Variants in ADAMTS17 observed in about 807,000 individuals in gnomAD.
ADAMTS17 encodes A disintegrin and metalloproteinase with thrombospondin motifs 17.
Under a neutral mutation model 141.5 loss-of-function variants are expected in ADAMTS17, and 113 were observed. That is an observed-to-expected ratio of 0.80 (90% CI 0.69 to 0.93). The LOEUF (loss-of-function observed/expected upper bound fraction) is 0.93. Among genes scored for constraint, ADAMTS17 ranks in the 40% least tolerant of loss-of-function variants. The pLI, the probability that ADAMTS17 is intolerant of heterozygous loss-of-function variation, is 0.00. For synonymous variants in ADAMTS17, 768 were observed against 630.6 expected (o/e 1.22, Z -3.27); for missense variants, 1,659 against 1,517.9 (o/e 1.09, Z -1.54).
chr15:100,080,686 CTT>C (rs35913419), intron 15 of ADAMTS17, among the ~76,000 whole-genome samples: 1 of 152,112 alleles, frequency 6.6e-6, no homozygotes, highest in African/African-American at 2.4e-5. Flanking sequence ...TTATTTCCTC[CTT>C]TTTTTGCTAA....
At chr15:100,258,122 A>G (rs960455808) in intron 6 of ADAMTS17, among the ~76,000 whole-genome samples, 4 of 152,212 alleles carry the variant, frequency 2.6e-5, no homozygotes, top group African/African-American at 9.6e-5. Context: ...TCATCCATCA[A>G]TGGACATATA....
chr15:100,138,063 G>A (rs1395467148), intron 10 of ADAMTS17, among the ~76,000 whole-genome samples: 3 of 152,178 alleles, frequency 2.0e-5, no homozygotes, highest in Non-Finnish European at 1.5e-5. Flanking sequence ...AAGTCATCTG[G>A]GGCTGGCCTA....
intron 15 of ADAMTS17, among the ~76,000 whole-genome samples, chr15:100,057,656 C>T (rs117947284): frequency 5.3e-5 from 8 of 152,260 alleles, no homozygotes; most frequent in East Asian, 1.9e-4. Flanking sequence ...CCTCCCGTCA[C>T]GTGGGATTGA....
At chr15:100,197,419 G>A (rs974004865) in intron 8 of ADAMTS17, among the ~76,000 whole-genome samples, 1 of 152,038 alleles carries the variant, frequency 6.6e-6, no homozygotes, top group African/African-American at 2.4e-5. Context: ...ATGCTGGTTG[G>A]GTCCCTTGAT....
chr15:100,010,169 T>A (rs2727151), intron 18 of ADAMTS17, among the ~76,000 whole-genome samples: 20,360 of 152,238 alleles, frequency 0.13, 1,682 homozygotes, highest in African/African-American at 0.23. Context: ...AGGCCTCCCC[T>A]GCCACGTGCA....
intron 3 of ADAMTS17, among the ~76,000 whole-genome samples, chr15:100,306,744 C>T (rs538758788): frequency 8.5e-5 from 13 of 152,284 alleles, no homozygotes; most frequent in East Asian, 1.9e-4. Context: ...CTCCCATGCT[C>T]GAACTCGGTA....
intron 2 of ADAMTS17, chr15:100,338,893 A>C: frequency 1.0e-6 from 1 of 971,014 alleles, no homozygotes. Context: ...GGTTAGCCCA[A>C]ATTCCTGTTG....
intron 10 of ADAMTS17, among the ~76,000 whole-genome samples, chr15:100,138,316 A>G (rs537187076): frequency 6.6e-6 from 1 of 152,352 alleles, no homozygotes; most frequent in East Asian, 1.9e-4. Flanking sequence ...GGTCAGCAGC[A>G]ACAACAAACA....
intron 7 of ADAMTS17, among the ~76,000 whole-genome samples, chr15:100,238,757 C>T (rs1037370538): frequency 6.6e-6 from 1 of 152,116 alleles, no homozygotes; most frequent in Non-Finnish European, 1.5e-5. Context: ...CATCTGCTCA[C>T]AGGAATAATG....
At chr15:100,008,087 G>A (rs1003200608) in intron 18 of ADAMTS17, among the ~76,000 whole-genome samples, 1 of 129,702 alleles carries the variant, frequency 7.7e-6, no homozygotes, top group Non-Finnish European at 1.5e-5. Context: ...AGAGGCCTCA[G>A]GGGGAAGCAG....
intron 4 of ADAMTS17, among the ~76,000 whole-genome samples, chr15:100,270,660 T>C (rs1224148881): frequency 6.6e-6 from 1 of 151,580 alleles, no homozygotes; most frequent in African/African-American, 2.4e-5. Context: ...TGACAAAATG[T>C]TGATGGTGTA....
intron 12 of ADAMTS17, among the ~76,000 whole-genome samples, chr15:100,117,580 A>G (rs1012985615): frequency 2.0e-5 from 3 of 152,284 alleles, no homozygotes; most frequent in East Asian, 1.9e-4. Flanking sequence ...GAGACCACAC[A>G]TGGTCAATGC....
chr15:100,182,059 G>A (rs1258240393), intron 8 of ADAMTS17, among the ~76,000 whole-genome samples: 7 of 152,300 alleles, frequency 4.6e-5, no homozygotes, highest in East Asian at 1.9e-4. Context: ...AGCTCAGCCC[G>A]GTTTTGCTTT....
intron 12 of ADAMTS17, among the ~76,000 whole-genome samples, chr15:100,120,468 A>G (rs1014219567): frequency 1.3e-5 from 2 of 152,222 alleles, no homozygotes; most frequent in African/African-American, 4.8e-5. Context: ...GTTAAGGTGC[A>G]GATGCAGAAG....
chr15:100,239,425 T>C (rs2042759055), intron 7 of ADAMTS17, among the ~76,000 whole-genome samples: 1 of 152,178 alleles, frequency 6.6e-6, no homozygotes, highest in South Asian at 2.1e-4. Flanking sequence ...TCGACCCTGC[T>C]GAAAGCAACG....
At chr15:100,046,575 C>T (rs370975611) in intron 18 of ADAMTS17, among the ~76,000 whole-genome samples, 20 of 152,304 alleles carry the variant, frequency 1.3e-4, no homozygotes, top group South Asian at 8.3e-4. Context: ...GGCAGAAGAA[C>T]GTGGATTGTG....
intron 3 of ADAMTS17, among the ~76,000 whole-genome samples, chr15:100,291,560 G>A (rs1266436114): frequency 6.6e-6 from 1 of 151,984 alleles, no homozygotes; most frequent in Non-Finnish European, 1.5e-5. Flanking sequence ...ATCACAGCAC[G>A]ATTCACAATA....
intron 7 of ADAMTS17, among the ~76,000 whole-genome samples, chr15:100,201,262 G>A (rs889924027): frequency 2.0e-5 from 3 of 152,150 alleles, no homozygotes; most frequent in Non-Finnish European, 2.9e-5. Flanking sequence ...TTTCCCCCAC[G>A]CCGTTCTTGG....
chr15:100,100,139 G>A (rs1307412636), intron 14 of ADAMTS17, among the ~76,000 whole-genome samples: 5 of 152,188 alleles, frequency 3.3e-5, no homozygotes, highest in African/African-American at 1.2e-4. Flanking sequence ...AGACATGTAA[G>A]ATGGAGGGAG....
Sources: gnomAD v4.1 joint callset for allele counts (sites outside exome capture counted in the v4.1 genomes callset) on GRCh38, gnomAD v4.1.1 for gene constraint, MANE v1.5 for transcripts, NCBI Gene and HGNC (gene_info 2026-07-23, HGNC 2026-07-21) for gene names.